ELAVL2: variants seen among roughly 807,000 people sequenced by gnomAD.
ELAVL2 encodes the protein ELAV like RNA binding protein 2.
In ELAVL2, 4 loss-of-function variants were observed where a neutral mutation model predicts 34.6. The observed-to-expected ratio is 0.12, with a 90% CI of 0.06 to 0.26. ELAVL2 has a LOEUF of 0.26. ELAVL2 is among the 10% of genes least tolerant of loss of function. The probability of loss-of-function intolerance (pLI) is 1.00; values close to 1 mark genes in which losing one functional copy is unlikely to be tolerated. For synonymous variants in ELAVL2, 193 were observed against 154.8 expected (o/e 1.25, Z -1.83); for missense variants, 432 against 442.8 (o/e 0.98, Z 0.22).
chr9:23,700,348 C>G (rs1399480249), intron 5 of ELAVL2, among the ~76,000 whole-genome samples: 2 of 152,188 alleles, frequency 1.3e-5, no homozygotes, highest in African/African-American at 4.8e-5. Flanking sequence ...AAACTCTCTG[C>G]TCTGCTTAAC....
intron 3 of ELAVL2, among the ~76,000 whole-genome samples, chr9:23,723,652 C>T (rs1392867251): frequency 6.6e-6 from 1 of 152,164 alleles, no homozygotes; most frequent in East Asian, 1.9e-4. Flanking sequence ...AGAAATCAAA[C>T]TCAAACACAT....
At chr9:23,806,274 T>C (rs533939230) in intron 1 of ELAVL2, among the ~76,000 whole-genome samples, 7 of 152,126 alleles carry the variant, frequency 4.6e-5, no homozygotes, top group Non-Finnish European at 8.8e-5. Flanking sequence ...AAAACTTGCA[T>C]GTAACATTTA....
At chr9:23,785,974 T>G (rs1379390758) in intron 1 of ELAVL2, among the ~76,000 whole-genome samples, 4 of 152,204 alleles carry the variant, frequency 2.6e-5, no homozygotes, top group Admixed American at 1.3e-4. Context: ...CCTGGCATAG[T>G]GATCTACTGC....
chr9:23,826,902 CA>C (rs1467890010), upstream of ELAVL2, among the ~76,000 whole-genome samples: 6 of 152,236 alleles, frequency 3.9e-5, no homozygotes, highest in Admixed American at 3.3e-4. Flanking sequence ...TTAATATACG[CA>C]TATTTCAGAT....
chr9:23,710,565 C>T (rs1267753716), intron 3 of ELAVL2, among the ~76,000 whole-genome samples: 1 of 152,210 alleles, frequency 6.6e-6, no homozygotes, highest in Admixed American at 6.5e-5. Context: ...AAGATCACCA[C>T]TGAACAACTT....
chr9:23,711,567 C>A (rs1351429118), intron 3 of ELAVL2, among the ~76,000 whole-genome samples: 2 of 152,178 alleles, frequency 1.3e-5, no homozygotes, highest in East Asian at 3.9e-4. Context: ...GCCCTCCTTC[C>A]AATCAGCTAA....
At chr9:23,759,559 A>G (rs1018799169) in intron 2 of ELAVL2, among the ~76,000 whole-genome samples, 2 of 151,266 alleles carry the variant, frequency 1.3e-5, no homozygotes, top group African/African-American at 4.9e-5. Flanking sequence ...GATTTTGAAC[A>G]CTCTCAAAGA....
chr9:23,758,663 G>A (rs1023881482), intron 2 of ELAVL2, among the ~76,000 whole-genome samples: 2 of 152,052 alleles, frequency 1.3e-5, no homozygotes, highest in Non-Finnish European at 2.9e-5. Flanking sequence ...AGCTTTTATA[G>A]CACCATGTTC....
chr9:23,777,632 C>CG (rs111431583), intron 1 of ELAVL2, among the ~76,000 whole-genome samples: 4,524 of 152,092 alleles, frequency 0.03, 88 homozygotes, highest in East Asian at 0.076. Flanking sequence ...AAGTGGGAAA[C>CG]GGGGGGTATC....
At chr9:23,704,769 T>A in intron 4 of ELAVL2, 149 bp downstream of exon 4, 2 of 997,614 alleles carry the variant, frequency 2.0e-6, no homozygotes, top group Non-Finnish European at 3.0e-6. Flanking sequence ...TGCATATTTA[T>A]GAACAATTCC....
chr9:23,734,053 G>T (rs2047240999), intron 2 of ELAVL2, among the ~76,000 whole-genome samples: 1 of 152,170 alleles, frequency 6.6e-6, no homozygotes, highest in Admixed American at 6.5e-5. Context: ...TATGTTTGAG[G>T]TAAGCAAAAC....
At chr9:23,813,971 C>A (rs2063369847) in intron 1 of ELAVL2, among the ~76,000 whole-genome samples, 4 of 152,154 alleles carry the variant, frequency 2.6e-5, no homozygotes, top group Admixed American at 2.6e-4. Context: ...TGAAACAAGC[C>A]ATGCTTCATC....
intron 5 of ELAVL2, among the ~76,000 whole-genome samples, chr9:23,693,747 G>C (rs1296816298): frequency 2.0e-5 from 3 of 152,220 alleles, no homozygotes; most frequent in Non-Finnish European, 4.4e-5. Flanking sequence ...TTTCAGAGAG[G>C]AAGTGCGAAA....
intron 3 of ELAVL2, among the ~76,000 whole-genome samples, chr9:23,715,268 C>A (rs1333675543): frequency 6.6e-6 from 1 of 152,212 alleles, no homozygotes; most frequent in Non-Finnish European, 1.5e-5. Flanking sequence ...CCTGCCTCAG[C>A]CTCCCGAGTA....
rs143679801 is a variant in ELAVL2 at position 23,744,332 on chromosome 9, T to C, written c.230-13207A>G. Among the ~76,000 whole-genome samples the C allele has an allele frequency of 7.4e-3, 1,133 of 152,314 alleles. 13 individuals carry two copies. Among genetic ancestry groups the C allele is most frequent in the African/African-American group, 0.025 (1,051 of 41,572 alleles). ...ATTACAAGTACACCACTCGAAGAAA[T>C]GAATGTTTTACTAAATAACTAGTTT... On this transcript the variant is annotated intron_variant, in intron 2 of 6. Transcript: ENST00000397312.
chr9:23,754,772 T>C (rs2053130942), intron 2 of ELAVL2, among the ~76,000 whole-genome samples: 1 of 152,172 alleles, frequency 6.6e-6, no homozygotes, highest in African/African-American at 2.4e-5. Flanking sequence ...TGGCATCAAG[T>C]ATTATTTTAG....
At chr9:23,811,064 T>TA (rs1268461077) in intron 1 of ELAVL2, among the ~76,000 whole-genome samples, 4 of 152,274 alleles carry the variant, frequency 2.6e-5, no homozygotes, top group Non-Finnish European at 4.4e-5. Flanking sequence ...ATAGAAGTTG[T>TA]ACAAAAGGAA....
At chr9:23,823,860 T>C (rs1479695882) in intron 1 of ELAVL2, among the ~76,000 whole-genome samples, 6 of 152,230 alleles carry the variant, frequency 3.9e-5, no homozygotes, top group Admixed American at 3.9e-4. Context: ...TCATTGTAAG[T>C]CTACGTTTTA....
In ELAVL2 at chr9:23,765,726, T is replaced by C. The variant is rs181577187; in HGVS notation, c.-15-3477A>G. ...ATTGCTCACATATACTAAGAGGCAG[T>C]AAACCAGCATCTTTCAATTGAAATA... On this transcript the variant is annotated intron_variant, in intron 1 of 6. Coordinates refer to ENST00000397312, the MANE Select transcript of ELAVL2 (RefSeq NM_004432.5). Among the ~76,000 whole-genome samples, 14 of 152,310 alleles carry C rather than the reference T, an allele frequency of 9.2e-5. No homozygotes were observed. The East Asian group carries it at 2.3e-3, about 25-fold the overall frequency.
Sources: allele counts gnomAD v4.1 joint callset (sites outside exome capture counted in the v4.1 genomes callset), GRCh38; gene constraint gnomAD v4.1.1; transcripts MANE v1.5; gene names NCBI Gene and HGNC (gene_info 2026-07-23, HGNC 2026-07-21).